SLC9A9: variants seen among roughly 807,000 people sequenced by gnomAD.
SLC9A9 encodes the protein sodium/hydrogen exchanger 9.
SLC9A9 carries 62 observed loss-of-function variants against 77.8 expected under a neutral mutation model. The observed-to-expected ratio is 0.80, with a 90% confidence interval of 0.65 to 0.98. The LOEUF (loss-of-function observed/expected upper bound fraction) is 0.98, where lower values mean the gene tolerates loss of function less well. Among genes scored for constraint, SLC9A9 ranks in the 50% least tolerant of loss-of-function variants. The pLI is 0.00. For missense variants in SLC9A9, 775 were observed against 774.9 expected, an observed-to-expected ratio of 1.00 and a Z score of 0.00; for synonymous variants, 320 against 283.5, an observed-to-expected ratio of 1.13 and a Z score of -1.29.
Position 143,518,159 on chromosome 3 carries a change from T to G in SLC9A9, c.1090-22711A>C. 6.2e-6 allele frequency: 10 copies of G among 1,600,204 alleles called. No homozygotes were observed. In the South Asian group the frequency reaches 9.9e-5, roughly 16 times the overall value. On this transcript the variant is annotated intron_variant, in intron 9 of 15. Coordinates refer to ENST00000316549, the MANE Select transcript of SLC9A9 (RefSeq NM_173653.4). Reference sequence around the variant, plus strand: ...CCTCAGGAAGCGCATTTCCTCGGTGTGCAGAACGCTCGGATCCTCCTTACA... The same window carrying G: ...CCTCAGGAAGCGCATTTCCTCGGTGGGCAGAACGCTCGGATCCTCCTTACA...
intron 4 of SLC9A9, among the ~76,000 whole-genome samples, chr3:143,706,063 G>A (rs1933965242): frequency 6.6e-6 from 1 of 152,220 alleles, no homozygotes; most frequent in African/African-American, 2.4e-5. Context: ...TAAAAATACA[G>A]CCAGGTGAGG....
chr3:143,673,673 A>G (rs1197893997), intron 5 of SLC9A9, among the ~76,000 whole-genome samples: 1 of 151,978 alleles, frequency 6.6e-6, no homozygotes, highest in African/African-American at 2.4e-5. Context: ...CAGAGGAACT[A>G]TGATCTAGAT....
intron 4 of SLC9A9, among the ~76,000 whole-genome samples, chr3:143,758,630 A>G (rs2007008977): frequency 6.6e-6 from 1 of 152,156 alleles, no homozygotes; most frequent in Admixed American, 6.6e-5. Flanking sequence ...ATTTCAAAAT[A>G]GAGGATAGTT....
At chr3:143,824,675 G>T (rs2009254242) in intron 2 of SLC9A9, among the ~76,000 whole-genome samples, 1 of 152,098 alleles carries the variant, frequency 6.6e-6, no homozygotes, top group East Asian at 1.9e-4. Flanking sequence ...CCTGGCAAGT[G>T]GCAAGTGCTC....
chr3:143,599,011 C>A (rs2037803905), intron 6 of SLC9A9, among the ~76,000 whole-genome samples: 2 of 152,184 alleles, frequency 1.3e-5, no homozygotes, highest in Admixed American at 6.5e-5. Context: ...CCACAGGTCG[C>A]CTCAATCCCT....
intron 14 of SLC9A9, among the ~76,000 whole-genome samples, chr3:143,286,896 G>A (rs766032222): frequency 5.3e-5 from 8 of 152,196 alleles, no homozygotes; most frequent in Non-Finnish European, 1.2e-4. Context: ...GATAGCCCAT[G>A]TCATTAGGAA....
At position 143,561,445 on chromosome 3, in the gene SLC9A9, C is replaced by T. The variant is rs368451105; in HGVS notation, c.1001-8995G>A. ...CCAATGTAAGCAGAAAAAACTTAACCAAGAAAAATGAAAAAGTAGCCAAAA... is the reference window on the plus strand; with the variant it reads ...CCAATGTAAGCAGAAAAAACTTAACTAAGAAAAATGAAAAAGTAGCCAAAA... On this transcript the variant is annotated intron_variant, in intron 8 of 15. Coordinates refer to ENST00000316549, the MANE Select transcript of SLC9A9 (RefSeq NM_173653.4). 5.9e-5 allele frequency among the ~76,000 whole-genome samples: 9 copies of T among 151,590 alleles called. No individual in the cohort carries two copies. The East Asian group carries it at 1.7e-3, about 29-fold the overall frequency.
At chr3:143,334,211 A>G (rs2031859435) in intron 14 of SLC9A9, among the ~76,000 whole-genome samples, 1 of 152,244 alleles carries the variant, frequency 6.6e-6, no homozygotes, top group African/African-American at 2.4e-5. Flanking sequence ...AAGAGTTGTT[A>G]TAAAGCCCAT....
At chr3:143,453,937 A>C (rs2035049188) in intron 12 of SLC9A9, among the ~76,000 whole-genome samples, 1 of 152,146 alleles carries the variant, frequency 6.6e-6, no homozygotes, top group African/African-American at 2.4e-5. Context: ...TGAAGGAGGA[A>C]GTTTGTCCCT....
chr3:143,728,702 C>T (rs1934726361), intron 4 of SLC9A9, among the ~76,000 whole-genome samples: 1 of 151,944 alleles, frequency 6.6e-6, no homozygotes, highest in African/African-American at 2.4e-5. Flanking sequence ...AGTGTATTGG[C>T]TTCGGGGAGG....
chr3:143,705,304 T>G (rs1933940416), intron 4 of SLC9A9, among the ~76,000 whole-genome samples: 1 of 151,698 alleles, frequency 6.6e-6, no homozygotes, highest in South Asian at 2.1e-4. Context: ...GGAAGGGTAG[T>G]GGGGGTGTGG....
chr3:143,794,939 A>C lies in SLC9A9; in HGVS notation c.533+62T>G, dbSNP rs2008333063. ...CCAGCAAGAATCCTGGAAGTGTTAGATCCCTCACACAGATCACAGACCCCA... is the reference window on the plus strand; with the variant it reads ...CCAGCAAGAATCCTGGAAGTGTTAGCTCCCTCACACAGATCACAGACCCCA... On this transcript the variant is annotated intron_variant, in intron 4 of 15. Coordinates refer to ENST00000316549, the MANE Select transcript of SLC9A9 (RefSeq NM_173653.4). The C allele has an allele frequency of 4.3e-6, 6 of 1,393,330 alleles. No individual in the cohort carries two copies. The East Asian group carries it at 1.4e-4, about 32-fold the overall frequency. 86.3% of individuals were successfully genotyped at this position (1,393,330 alleles called of 1,614,324 possible). A position where few individuals can be genotyped will look rare whatever the true frequency, so the allele number is the denominator to read the frequency against.
At chr3:143,637,917 T>C (rs1327535071) in intron 6 of SLC9A9, among the ~76,000 whole-genome samples, 1 of 152,248 alleles carries the variant, frequency 6.6e-6, no homozygotes, top group East Asian at 1.9e-4. Context: ...TGAAAACTTG[T>C]ATTAGAATTA....
intron 11 of SLC9A9, among the ~76,000 whole-genome samples, chr3:143,468,417 T>C (rs2035321339): frequency 1.3e-5 from 2 of 152,244 alleles, no homozygotes; most frequent in East Asian, 3.8e-4. Context: ...CTCAGTTCTG[T>C]ACTTTGTTCC....
chr3:143,705,353 A>T (rs574102980), intron 4 of SLC9A9, among the ~76,000 whole-genome samples: 2 of 152,238 alleles, frequency 1.3e-5, no homozygotes, highest in Admixed American at 6.5e-5. Flanking sequence ...TACAAAAAAA[A>T]GTTAGCAAGA....
intron 2 of SLC9A9, 107 bp downstream of exon 2, chr3:143,831,912 G>T: frequency 1.0e-6 from 1 of 970,768 alleles, no homozygotes; most frequent in Non-Finnish European, 1.5e-6. Context: ...TGTTAAAATA[G>T]GCATATATGT....
At chr3:143,633,106 C>T (rs983521416) in intron 6 of SLC9A9, among the ~76,000 whole-genome samples, 1 of 152,138 alleles carries the variant, frequency 6.6e-6, no homozygotes, top group African/African-American at 2.4e-5. Context: ...TGTTCCTATC[C>T]ATTCATTCAT....
chr3:143,317,523 G>A (rs1035694713), intron 14 of SLC9A9, among the ~76,000 whole-genome samples: 2 of 152,324 alleles, frequency 1.3e-5, no homozygotes, highest in Non-Finnish European at 2.9e-5. Flanking sequence ...GCTGAAAGAT[G>A]AGATTTGGTG....
chr3:143,456,737 G>A (rs1472913489), intron 12 of SLC9A9, among the ~76,000 whole-genome samples: 1 of 151,638 alleles, frequency 6.6e-6, no homozygotes, highest in Non-Finnish European at 1.5e-5. Flanking sequence ...ACTAATTTTT[G>A]TATTTTTAAT....
Sources: allele counts gnomAD v4.1 joint callset (sites outside exome capture counted in the v4.1 genomes callset), GRCh38; gene constraint gnomAD v4.1.1; transcripts MANE v1.5; gene names NCBI Gene and HGNC (gene_info 2026-07-23, HGNC 2026-07-21).